BAALC: variants seen among roughly 807,000 people sequenced by gnomAD.
The protein encoded by BAALC is BAALC binder of MAP3K1 and KLF4.
BAALC carries 9 observed loss-of-function variants against 15.5 expected under a neutral mutation model. The observed-to-expected ratio is 0.58, with a 90% CI of 0.35 to 1.02. The LOEUF (loss-of-function observed/expected upper bound fraction) is 1.02. BAALC is among the 50% of genes least tolerant of loss of function. The pLI is 0.02. For synonymous variants in BAALC, 80 were observed against 74.6 expected (o/e 1.07, Z -0.37); for missense variants, 201 against 192.4 (o/e 1.04, Z -0.27).
intron 1 of BAALC, among the ~76,000 whole-genome samples, chr8:103,142,298 G>T (rs752746612): frequency 6.6e-6 from 1 of 152,194 alleles, no homozygotes; most frequent in African/African-American, 2.4e-5. Flanking sequence ...TTTGTGACTT[G>T]GTTTTATTTT....
chr8:103,198,294 A>G, intron 1 of BAALC: 1 of 544,904 alleles, frequency 1.8e-6, no homozygotes, highest in Non-Finnish European at 3.2e-6. Flanking sequence ...AATGTGATAT[A>G]ATAACTAAAA....
At chr8:103,224,529 G>C (rs1812759121) in intron 2 of BAALC, among the ~76,000 whole-genome samples, 1 of 152,142 alleles carries the variant, frequency 6.6e-6, no homozygotes, top group South Asian at 2.1e-4. Context: ...GAAAATAAAT[G>C]TTCAGGTTAA....
chr8:103,198,120 A>G, intron 1 of BAALC: 1 of 702,238 alleles, frequency 1.4e-6, no homozygotes, highest in Non-Finnish European at 2.6e-6. Context: ...GAACATTACC[A>G]TCTGACTGCC....
chr8:103,158,909 A>G (rs1174178719), intron 1 of BAALC, among the ~76,000 whole-genome samples: 1 of 152,202 alleles, frequency 6.6e-6, no homozygotes, highest in East Asian at 1.9e-4. Context: ...TTGAATGTTT[A>G]AAAAGTAGAT....
chr8:103,185,683 GGGATTGTAAACT>G (rs1406316341), intron 1 of BAALC, among the ~76,000 whole-genome samples: 2 of 152,332 alleles, frequency 1.3e-5, no homozygotes, highest in East Asian at 3.9e-4. Flanking sequence ...TGGAGGGATT[GGGATTGTAAACT>G]GGATTCTCTG....
chr8:103,180,261 G>A (rs1461562335), intron 1 of BAALC, among the ~76,000 whole-genome samples: 1 of 152,254 alleles, frequency 6.6e-6, no homozygotes, highest in Admixed American at 6.5e-5. Flanking sequence ...TCACAGCAGT[G>A]TTGAGAGCAT....
At chr8:103,144,934 G>A (rs1299320947) in intron 1 of BAALC, among the ~76,000 whole-genome samples, 2 of 152,220 alleles carry the variant, frequency 1.3e-5, no homozygotes, top group African/African-American at 2.4e-5. Context: ...CAGGAACGAG[G>A]CAGGAACTAT....
At chr8:103,161,983 C>T (rs896489986) in intron 1 of BAALC, among the ~76,000 whole-genome samples, 1 of 151,140 alleles carries the variant, frequency 6.6e-6, no homozygotes, top group Non-Finnish European at 1.5e-5. Flanking sequence ...TTTTTTGAAA[C>T]AGGGTTTTGC....
At chr8:103,220,263 C>A (rs1203575914) in intron 2 of BAALC, among the ~76,000 whole-genome samples, 2 of 152,148 alleles carry the variant, frequency 1.3e-5, no homozygotes, top group African/African-American at 4.8e-5. Flanking sequence ...ATTGCATTTG[C>A]CTGAGTGGTT....
At chr8:103,179,488 C>G (rs1586404943) in intron 1 of BAALC, among the ~76,000 whole-genome samples, 1 of 152,232 alleles carries the variant, frequency 6.6e-6, no homozygotes, top group Non-Finnish European at 1.5e-5. Flanking sequence ...GCACAATGTG[C>G]TCTATGCGGA....
intron 1 of BAALC, among the ~76,000 whole-genome samples, chr8:103,210,536 G>T (rs1439381762): frequency 1.3e-5 from 2 of 152,206 alleles, no homozygotes; most frequent in Non-Finnish European, 2.9e-5. Flanking sequence ...CGCTTCTGAT[G>T]CCTGCCCCAT....
intron 1 of BAALC, among the ~76,000 whole-genome samples, chr8:103,161,280 C>CTT (rs34176566): frequency 6.0e-5 from 9 of 149,244 alleles, no homozygotes; most frequent in African/African-American, 1.2e-4. Context: ...TTTGGTTTAT[C>CTT]TTTTTTTTTT....
chr8:103,212,871 T>C, intron 1 of BAALC, 48 bp from the exon 2 acceptor site: 1 of 1,550,540 alleles, frequency 6.4e-7, no homozygotes, highest in Non-Finnish European at 8.7e-7. Flanking sequence ...GTTTGCAACA[T>C]CTGCCATGTG....
In BAALC at chr8:103,228,079, AC is replaced by A; in HGVS notation, c.419del (p.Thr140LysfsTer32). On this transcript the variant is annotated frameshift_variant, in exon 3 of 3. Coordinates refer to ENST00000309982, the MANE Select transcript of BAALC (RefSeq NM_024812.3). LOFTEE classifies it high-confidence loss of function. Reference protein sequence around the residue: ...IQQMDRSRRITKNCVN With the variant: ...IQQMDRSRRIXKNCVN ...ACAGATGGACAGAAGTCGAAGAATC[AC>A]AAAGAACTGTGTCAACTAGCAGAGA... 1 of 1,612,378 alleles carries A rather than the reference AC, an allele frequency of 6.2e-7. No homozygotes were observed. Among genetic ancestry groups the A allele is most frequent in the Non-Finnish European group, 8.5e-7 (1 of 1,178,668 alleles).
chr8:103,192,059 A>G (rs1289037961), intron 1 of BAALC, among the ~76,000 whole-genome samples: 1 of 152,000 alleles, frequency 6.6e-6, no homozygotes, highest in Non-Finnish European at 1.5e-5. Flanking sequence ...TATTATTGTT[A>G]TTATTATTTG....
At chr8:103,158,843 C>T (rs552443986) in intron 1 of BAALC, among the ~76,000 whole-genome samples, 22 of 152,012 alleles carry the variant, frequency 1.4e-4, no homozygotes, top group Admixed American at 1.3e-3. Context: ...TTTGGTTGAC[C>T]ACAGGTAACT....
intron 1 of BAALC, among the ~76,000 whole-genome samples, chr8:103,180,084 G>A (rs1398996584): frequency 1.3e-5 from 2 of 152,228 alleles, no homozygotes; most frequent in African/African-American, 4.8e-5. Flanking sequence ...AGCAGGGGGA[G>A]TGCAGAAATG....
At chr8:103,185,264 C>T (rs1346027157) in intron 1 of BAALC, among the ~76,000 whole-genome samples, 1 of 152,222 alleles carries the variant, frequency 6.6e-6, no homozygotes, top group East Asian at 1.9e-4. Context: ...ACTCTCCCGA[C>T]TCCCATCACG....
chr8:103,228,387 AAAG>A lies in BAALC; in HGVS notation c.*289_*291del. On this transcript the variant is annotated 3_prime_UTR_variant, in exon 3 of 3. Transcript: ENST00000309982. Reference sequence around the variant, plus strand: ...AACTCCTGTAATACGGTCTGGTGTAAAAGTAGTGAGTTAAAGCTACAGGTCAGT... The same window carrying A: ...AACTCCTGTAATACGGTCTGGTGTAATAGTGAGTTAAAGCTACAGGTCAGT... The A allele has an allele frequency of 3.3e-6, 1 of 299,616 alleles. No individual in the cohort carries two copies. The highest frequency in any genetic ancestry group is 6.2e-6 in the Non-Finnish European group (1 of 161,824). The allele number at this position is 299,616 out of a possible 1,614,324, so 18.6% of individuals were successfully genotyped here.
Sources: allele counts gnomAD v4.1 joint callset (sites outside exome capture counted in the v4.1 genomes callset), GRCh38; gene constraint gnomAD v4.1.1; transcripts MANE v1.5; gene names NCBI Gene and HGNC (gene_info 2026-07-23, HGNC 2026-07-21).